The following HOMER2 variants were observed in gnomAD, a reference collection of about 807,000 sequenced individuals.
The protein encoded by HOMER2 is homer protein homolog 2.
HOMER2 carries 27 observed loss-of-function variants against 47.0 expected under a neutral mutation model. The ratio of observed to expected loss-of-function variants is 0.57; its 90% CI spans 0.42 to 0.79. HOMER2 has a LOEUF of 0.79. HOMER2 is among the 30% of genes least tolerant of loss of function. The pLI is 0.00. For missense variants in HOMER2, 443 were observed against 435.0 expected, an observed-to-expected ratio of 1.02 and a Z score of -0.16; for synonymous variants, 161 against 163.8, an observed-to-expected ratio of 0.98 and a Z score of 0.13.
rs904475018 is a variant in HOMER2, at chr15:82,852,075, C to T, written c.762+67G>A. On this transcript the variant is annotated intron_variant, in intron 7 of 8. Transcript: ENST00000450735. ...GGGCCAGTCATAGGCCCCAAGACACCTGCTGTGTGCCACCCCGCAAGGCCA... is the reference window on the plus strand; with the variant it reads ...GGGCCAGTCATAGGCCCCAAGACACTTGCTGTGTGCCACCCCGCAAGGCCA... The T allele has an allele frequency of 5.6e-6, 6 of 1,073,470 alleles. No homozygotes were observed. The African/African-American group carries it at 9.3e-5, about 17-fold the overall frequency. The allele number at this position is 1,073,470 out of a possible 1,614,324, so 66.5% of individuals were successfully genotyped here. A position where few individuals can be genotyped will look rare whatever the true frequency, so the allele number is the denominator to read the frequency against.
At chr15:82,874,695 C>T (rs995699448) in intron 3 of HOMER2, among the ~76,000 whole-genome samples, 1 of 152,228 alleles carries the variant, frequency 6.6e-6, no homozygotes. Flanking sequence ...CTAAGCGCTT[C>T]CATTATGCAT....
At chr15:82,984,312 G>C (rs1485561302) in intron 1 of HOMER2, among the ~76,000 whole-genome samples, 2 of 152,094 alleles carry the variant, frequency 1.3e-5, no homozygotes, top group African/African-American at 4.8e-5. Context: ...GATTACAGGC[G>C]TGAGCCACCG....
upstream of HOMER2, among the ~76,000 whole-genome samples, chr15:82,957,512 C>CA (rs2054596714): frequency 6.6e-6 from 1 of 152,146 alleles, no homozygotes; most frequent in Admixed American, 6.5e-5. Context: ...AATCTGCCCC[C>CA]ACCATGGAAA....
intron 1 of HOMER2, among the ~76,000 whole-genome samples, chr15:82,894,216 G>C (rs562692042): frequency 6.6e-6 from 1 of 152,170 alleles, no homozygotes; most frequent in Non-Finnish European, 1.5e-5. Flanking sequence ...TTGACAATAC[G>C]CATTTAGAAA....
At chr15:82,938,598 T>C (rs58022731) in intron 1 of HOMER2, among the ~76,000 whole-genome samples, 1,811 of 152,256 alleles carry the variant, frequency 0.012, 33 homozygotes, top group African/African-American at 0.042. Context: ...CATCCTCAAC[T>C]TATGAAACAA....
At chr15:82,952,471 C>G (rs2054528724) in intron 1 of HOMER2, 60 bp downstream of exon 1, 7 of 1,124,310 alleles carry the variant, frequency 6.2e-6, no homozygotes, top group Non-Finnish European at 7.8e-6. Flanking sequence ...TTACGCCAGC[C>G]GCGGCCCCGC....
intron 1 of HOMER2, among the ~76,000 whole-genome samples, chr15:82,932,320 C>A (rs2054032413): frequency 6.6e-6 from 1 of 152,136 alleles, no homozygotes; most frequent in Non-Finnish European, 1.5e-5. Context: ...CATGGCAAAA[C>A]CCTGTCTCTG....
At chr15:82,921,212 C>T (rs560635515) in intron 1 of HOMER2, among the ~76,000 whole-genome samples, 2 of 152,184 alleles carry the variant, frequency 1.3e-5, no homozygotes, top group African/African-American at 2.4e-5. Context: ...CACTTGAACC[C>T]GGGAGGCGGA....
chr15:82,965,843 C>G (rs1596386849), intron 1 of HOMER2, among the ~76,000 whole-genome samples: 1 of 151,660 alleles, frequency 6.6e-6, no homozygotes, highest in East Asian at 1.9e-4. Context: ...GCCTGTAATT[C>G]CAGCACTTTT....
chr15:82,895,037 A>C (rs1002822826), intron 1 of HOMER2, among the ~76,000 whole-genome samples: 1 of 152,206 alleles, frequency 6.6e-6, no homozygotes, highest in Non-Finnish European at 1.5e-5. Flanking sequence ...ATCAACCATC[A>C]ACCGTGGTTT....
chr15:82,891,382 AT>A (rs2052699256), intron 2 of HOMER2, among the ~76,000 whole-genome samples: 1 of 152,200 alleles, frequency 6.6e-6, no homozygotes, highest in Admixed American at 6.5e-5. Context: ...GAACAAGAGG[AT>A]CCCAGGGTCA....
At chr15:82,851,444 C>T (rs1271989985) in intron 7 of HOMER2, among the ~76,000 whole-genome samples, 2 of 152,208 alleles carry the variant, frequency 1.3e-5, no homozygotes, top group Non-Finnish European at 2.9e-5. Context: ...TACACACCAC[C>T]ACAAGGCAGA....
intron 1 of HOMER2, among the ~76,000 whole-genome samples, chr15:82,905,089 A>C (rs2053247320): frequency 6.6e-6 from 1 of 152,186 alleles, no homozygotes; most frequent in African/African-American, 2.4e-5. Context: ...AGAAAGAATC[A>C]AACAGAAATG....
intron 2 of HOMER2, among the ~76,000 whole-genome samples, chr15:82,889,459 C>T (rs1323025138): frequency 3.3e-5 from 5 of 152,170 alleles, no homozygotes; most frequent in African/African-American, 1.2e-4. Context: ...GCCGACTGAA[C>T]AGAGATGGGG....
intron 1 of HOMER2, among the ~76,000 whole-genome samples, chr15:82,896,308 G>A (rs1484889939): frequency 6.6e-6 from 1 of 152,176 alleles, no homozygotes; most frequent in Non-Finnish European, 1.5e-5. Flanking sequence ...AAGGCACAGG[G>A]AGCCGAGAAG....
chr15:82,914,667 A>G (rs1567051283), intron 1 of HOMER2, among the ~76,000 whole-genome samples: 1 of 152,236 alleles, frequency 6.6e-6, no homozygotes, highest in Non-Finnish European at 1.5e-5. Context: ...GAATAAGCTT[A>G]ATGCCACTGA....
At chr15:82,979,080 G>A (rs1295652546) in intron 1 of HOMER2, among the ~76,000 whole-genome samples, 1 of 152,120 alleles carries the variant, frequency 6.6e-6, no homozygotes, top group Non-Finnish European at 1.5e-5. Context: ...TCTCTCTCCT[G>A]CCACCATATA....
chr15:82,954,511 G>C (rs1205117909), upstream of HOMER2, among the ~76,000 whole-genome samples: 1 of 146,602 alleles, frequency 6.8e-6, no homozygotes, highest in Non-Finnish European at 1.5e-5. Context: ...ACCATGTTTC[G>C]ATCTCCTGAC....
At chr15:82,982,953 A>C (rs887845286) in intron 1 of HOMER2, among the ~76,000 whole-genome samples, 1 of 152,190 alleles carries the variant, frequency 6.6e-6, no homozygotes, top group Non-Finnish European at 1.5e-5. Flanking sequence ...TGTTGAAAAG[A>C]TCATATACAG....
Sources: allele counts gnomAD v4.1 joint callset (sites outside exome capture counted in the v4.1 genomes callset), GRCh38; gene constraint gnomAD v4.1.1; transcripts MANE v1.5; gene names NCBI Gene and HGNC (gene_info 2026-07-23, HGNC 2026-07-21).